Variants in PCDHA12 observed in about 807,000 individuals in gnomAD.
PCDHA12 encodes the protein protocadherin alpha 12.
PCDHA12 carries 44 observed loss-of-function variants against 60.0 expected under a neutral mutation model. That is an observed-to-expected ratio of 0.73 (90% CI 0.58 to 0.94). The LOEUF (loss-of-function observed/expected upper bound fraction) is 0.94. Among genes scored for constraint, PCDHA12 ranks in the 40% least tolerant of loss-of-function variants. The pLI is 0.00. For synonymous variants in PCDHA12, 569 were observed against 553.0 expected (o/e 1.03, Z -0.40); for missense variants, 1,276 against 1,239.7 (o/e 1.03, Z -0.44).
At position 140,909,749 on chromosome 5, in the gene PCDHA12, C is replaced by G. The variant is rs141984152; in HGVS notation, c.2367+31910C>G. On this transcript the variant is annotated intron_variant, in intron 1 of 3. Coordinates refer to ENST00000398631, the MANE Select transcript of PCDHA12 (RefSeq NM_018903.4). ...ATGCATTCTGGCACTGGGGAAATGA[C>G]CACAGGATGAGTCCAGGGACCCACT... 2.0e-3 allele frequency among the ~76,000 whole-genome samples: 298 copies of G among 152,232 alleles called. 1 individual carries two copies. Among genetic ancestry groups the G allele is most frequent in the African/African-American group, 6.9e-3 (285 of 41,526 alleles).
chr5:140,996,312 G>A (rs1397001765), intron 3 of PCDHA12, among the ~76,000 whole-genome samples: 2 of 152,186 alleles, frequency 1.3e-5, no homozygotes, highest in African/African-American at 2.4e-5. Flanking sequence ...CAAAGTAAGG[G>A]GGGAGGGTAG....
Position 140,877,280 on chromosome 5 carries a change from A to G in PCDHA12, c.1808A>G (p.Tyr603Cys), listed in dbSNP as rs782014601. 8.7e-6 allele frequency: 14 copies of G among 1,613,734 alleles called. No homozygotes were observed. Among genetic ancestry groups the G allele is most frequent in the Non-Finnish European group, 1.2e-5 (14 of 1,179,830 alleles). ...CGCGCGGTGGACGCTGACTCCGGCT[A>G]TAACGCTTGGCTGTCCTACGAGTTG... Reference protein sequence around the residue: ...KVRAVDADSGYNAWLSYELQP... With the variant: ...KVRAVDADSGCNAWLSYELQP... The change falls in exon 1 of 4, where the codon TAT (tyrosine) becomes TGT (cysteine). Residue 603 changes from tyrosine (Y) to cysteine (C), a missense_variant. Coordinates refer to ENST00000398631, the MANE Select transcript of PCDHA12 (RefSeq NM_018903.4).
At chr5:140,965,827 A>G (rs2095939185) in intron 1 of PCDHA12, among the ~76,000 whole-genome samples, 1 of 152,172 alleles carries the variant, frequency 6.6e-6, no homozygotes, top group Non-Finnish European at 1.5e-5. Context: ...TAAACATTTA[A>G]ATATTGGTTA....
At chr5:140,913,243 G>T (rs1386908951) in intron 1 of PCDHA12, among the ~76,000 whole-genome samples, 1 of 152,112 alleles carries the variant, frequency 6.6e-6, no homozygotes, top group Non-Finnish European at 1.5e-5. Flanking sequence ...GAGACTTTTT[G>T]TTACAACTTT....
At chr5:140,893,951 T>TTA (rs2064251628) in intron 1 of PCDHA12, among the ~76,000 whole-genome samples, 1 of 152,184 alleles carries the variant, frequency 6.6e-6, no homozygotes, top group Admixed American at 6.5e-5. Context: ...CTGCATGACT[T>TTA]TATTAGTCAT....
intron 1 of PCDHA12, among the ~76,000 whole-genome samples, chr5:140,901,194 T>A (rs562699930): frequency 2.7e-4 from 41 of 152,236 alleles, no homozygotes; most frequent in Non-Finnish European, 5.1e-4. Flanking sequence ...TGCTTTTCTG[T>A]GCAGAAGGTT....
At chr5:140,980,555 G>A (rs1050580342) in intron 2 of PCDHA12, among the ~76,000 whole-genome samples, 1 of 152,068 alleles carries the variant, frequency 6.6e-6, no homozygotes, top group Non-Finnish European at 1.5e-5. Flanking sequence ...GCTTGAACCC[G>A]GGAGGCGGAA....
intron 1 of PCDHA12, among the ~76,000 whole-genome samples, chr5:140,881,802 G>A (rs1239090795): frequency 1.3e-5 from 2 of 152,182 alleles, no homozygotes; most frequent in Admixed American, 6.5e-5. Context: ...CCCAAAACGA[G>A]TGTCGAATAT....
chr5:140,955,468 T>C (rs1394591179), intron 1 of PCDHA12, among the ~76,000 whole-genome samples: 1 of 152,116 alleles, frequency 6.6e-6, no homozygotes, highest in Non-Finnish European at 1.5e-5. Context: ...TCCTTTTTGC[T>C]TGGCACCTCT....
At chr5:140,920,746 A>AG (rs1190651507) in intron 1 of PCDHA12, among the ~76,000 whole-genome samples, 2 of 151,430 alleles carry the variant, frequency 1.3e-5, no homozygotes, top group African/African-American at 4.8e-5. Context: ...CAGGAGGCTG[A>AG]GGCAGGAGAA....
rs182574783 is a variant in PCDHA12, at chr5:140,952,922, G to A, written c.2368-26027G>A. Among the ~76,000 whole-genome samples the A allele has an allele frequency of 2.3e-3, 351 of 152,216 alleles. 2 individuals carry two copies. Among genetic ancestry groups the A allele is most frequent in the Admixed American group, 5.6e-3 (85 of 15,264 alleles). Reference sequence around the variant, plus strand: ...ATCAAGCTCATCTTACATGGCATGAGCAGGAGCAGGAGCAAGAGAGAGAGA... The same window carrying A: ...ATCAAGCTCATCTTACATGGCATGAACAGGAGCAGGAGCAAGAGAGAGAGA... On this transcript the variant is annotated intron_variant, in intron 1 of 3. Transcript: ENST00000398631.
chr5:140,984,964 G>C (rs930753325), intron 3 of PCDHA12, among the ~76,000 whole-genome samples: 1 of 151,818 alleles, frequency 6.6e-6, no homozygotes, highest in Non-Finnish European at 1.5e-5. Context: ...TTGAGACAGA[G>C]TCTCGCTCTG....
At chr5:140,878,735 C>T (rs2057715661) in intron 1 of PCDHA12, among the ~76,000 whole-genome samples, 1 of 152,198 alleles carries the variant, frequency 6.6e-6, no homozygotes, top group Non-Finnish European at 1.5e-5. Context: ...AGCCTTATAT[C>T]TACTTTCTTA....
At chr5:140,946,826 G>A (rs1161316537) in intron 1 of PCDHA12, among the ~76,000 whole-genome samples, 1 of 151,404 alleles carries the variant, frequency 6.6e-6, no homozygotes, top group African/African-American at 2.4e-5. Context: ...TACCAGAGAT[G>A]GGTAGGGCAG....
At chr5:140,892,013 C>T (rs2063353338) in intron 1 of PCDHA12, among the ~76,000 whole-genome samples, 1 of 152,206 alleles carries the variant, frequency 6.6e-6, no homozygotes, top group South Asian at 2.1e-4. Context: ...GTTATAGCAG[C>T]ACAAATGGTC....
Position 141,009,803 on chromosome 5 carries a change from C to G in PCDHA12, c.2692C>G (p.Gln898Glu). 6.2e-7 allele frequency: 1 copy of G among 1,613,968 alleles called. No individual in the cohort carries two copies. The highest frequency in any genetic ancestry group is 8.5e-7 in the Non-Finnish European group (1 of 1,179,994). ...CATCCGGCAGGAGCCTACTAACAGC[C>G]AAATTGACAAAAGTGACTTCATAAC... ...ISIRQEPTNS[Q>E]IDKSDFITFG... Residue 898 changes from glutamine to glutamate, a missense_variant, in exon 4 of 4, where the codon CAA (glutamine) becomes GAA (glutamate). Physicochemically the swap from Gln to Glu is conservative, Grantham distance 29 (BLOSUM62 2). Coordinates refer to ENST00000398631, the MANE Select transcript of PCDHA12 (RefSeq NM_018903.4).
intron 1 of PCDHA12, among the ~76,000 whole-genome samples, chr5:140,885,299 G>A (rs904206700): frequency 3.9e-5 from 6 of 152,042 alleles, no homozygotes; most frequent in African/African-American, 1.4e-4. Context: ...GAGAGACCTG[G>A]TAGGCTTTTT....
intron 1 of PCDHA12, among the ~76,000 whole-genome samples, chr5:140,909,547 C>T (rs2074573960): frequency 1.3e-5 from 2 of 152,278 alleles, no homozygotes; most frequent in Non-Finnish European, 2.9e-5. Context: ...GATGGTGGCA[C>T]TAATCTCTGC....
chr5:140,888,597 C>A (rs1474772423), intron 1 of PCDHA12, among the ~76,000 whole-genome samples: 3 of 152,216 alleles, frequency 2.0e-5, no homozygotes, highest in African/African-American at 7.2e-5. Flanking sequence ...ACATTCAGAG[C>A]AGCTTTTAGT....
Sources: gnomAD v4.1 joint callset for allele counts (sites outside exome capture counted in the v4.1 genomes callset) on GRCh38, gnomAD v4.1.1 for gene constraint, MANE v1.5 for transcripts, NCBI Gene and HGNC (gene_info 2026-07-23, HGNC 2026-07-21) for gene names.